Variants in BCL2L14 observed in about 807,000 individuals in gnomAD.
The protein encoded by BCL2L14 is BCL2 like 14.
In BCL2L14, 27 loss-of-function variants were observed where a neutral mutation model predicts 35.3. That is an observed-to-expected ratio of 0.76 (90% CI 0.56 to 1.05). BCL2L14 has a LOEUF of 1.05. BCL2L14 is among the 50% of genes least tolerant of loss of function. The pLI is 0.00. For synonymous variants in BCL2L14, 139 were observed against 145.9 expected, an observed-to-expected ratio of 0.95 and a Z score of 0.34; for missense variants, 377 against 382.6, an observed-to-expected ratio of 0.99 and a Z score of 0.12.
Position 12,079,745 on chromosome 12 carries a change from A to G in BCL2L14, c.433+7A>G. On this transcript the variant is annotated splice_region_variant and intron_variant, in intron 2 of 5. Coordinates refer to ENST00000308721, the MANE Select transcript of BCL2L14 (RefSeq NM_138723.2). ...CAGTGCTTGGAGCATGAAGGTAGGC[A>G]TCTGGGATTTCTTTCTCTCCCGCTT... The G allele has an allele frequency of 6.2e-7, 1 of 1,606,598 alleles. No homozygotes were observed. The highest frequency in any genetic ancestry group is 8.5e-7 in the Non-Finnish European group (1 of 1,175,932).
intron 1 of BCL2L14, 70 bp from the exon 2 acceptor site, chr12:12,079,228 CT>C: frequency 1.5e-6 from 2 of 1,304,354 alleles, no homozygotes; most frequent in Middle Eastern, 1.9e-4. Context: ...GTTTTCACCC[CT>C]GTCTCTCCTA....
rs564352918 is a variant in BCL2L14 at position 12,071,034 on chromosome 12, T to C, written c.-111T>C. The C allele has an allele frequency of 6.6e-6, 1 of 152,294 alleles. No homozygotes were observed. The highest frequency in any genetic ancestry group is 2.4e-5 in the African/African-American group (1 of 41,562). The allele number at this position is 152,294 out of a possible 1,614,324, so 9.4% of individuals were successfully genotyped here. ...CAAACGACAAGCCAAGAAGACCTGT[T>C]GAAAGTTTCCTCTTAAGTTTCGTGG... On this transcript the variant is annotated 5_prime_UTR_variant, in exon 1 of 6. Transcript: ENST00000308721.
chr12:12,088,702 C>T (rs1000042838), intron 3 of BCL2L14, among the ~76,000 whole-genome samples: 1 of 152,106 alleles, frequency 6.6e-6, no homozygotes, highest in Non-Finnish European at 1.5e-5. Context: ...AACAGTGAGG[C>T]CAAGGTGGAT....
chr12:12,098,083 A>G (rs1394201317), intron 5 of BCL2L14, among the ~76,000 whole-genome samples: 2 of 152,164 alleles, frequency 1.3e-5, no homozygotes, highest in Non-Finnish European at 2.9e-5. Flanking sequence ...GATAAAGAAT[A>G]TTTATGAGCT....
chr12:12,053,454 C>G (rs2058774), intron 2 of BCL2L14, among the ~76,000 whole-genome samples: 149,201 of 151,118 alleles, frequency 0.99, 73,689 homozygotes, highest in East Asian at 1. Flanking sequence ...AAGTTTCACT[C>G]TTGTTGCCCA....
rs148989110 is a variant in BCL2L14, at chr12:12,056,784, C to T, written c.-272+4937C>T. Among the ~76,000 whole-genome samples, 839 of 152,172 alleles carry T rather than the reference C, an allele frequency of 5.5e-3. 6 individuals are homozygous for T. The highest frequency in any genetic ancestry group is 7.8e-3 in the Non-Finnish European group (532 of 68,002). On this transcript the variant is annotated intron_variant, in intron 2 of 3. Coordinates refer to the BCL2L14 transcript ENST00000461264. The stretch of plus-strand genomic sequence containing the variant: ...GAAGGCCTCGGAGGTTGCAGTGAGC[C>T]GAGATTGCGCCACTGCACTCCAGCC...
At chr12:12,076,944 T>C (rs1264874089) in intron 1 of BCL2L14, among the ~76,000 whole-genome samples, 1 of 152,148 alleles carries the variant, frequency 6.6e-6, no homozygotes, top group Non-Finnish European at 1.5e-5. Context: ...AAAGGTGGCG[T>C]GACTTGCCCA....
chr12:12,070,820 C>T (rs754035498), upstream of BCL2L14: 3 of 152,082 alleles, frequency 2.0e-5, no homozygotes, highest in African/African-American at 7.2e-5. Flanking sequence ...AGGAAGAGTG[C>T]TAGGTAATGG....
rs16907701 is a variant in BCL2L14, at chr12:12,074,295, G to A, written c.-8+3158G>A. On this transcript the variant is annotated intron_variant, in intron 1 of 5. Coordinates refer to ENST00000308721, the MANE Select transcript of BCL2L14 (RefSeq NM_138723.2). ...TATCAAGCACTATTCTAGAGAGCCC[G>A]GATAGCTCAGTCAGTAGAGCATCAA... 6.3e-3 allele frequency among the ~76,000 whole-genome samples: 954 copies of A among 152,190 alleles called. 8 individuals are homozygous for A. Among genetic ancestry groups the A allele is most frequent in the African/African-American group, 0.022 (904 of 41,502 alleles).
chr12:12,077,329 C>T (rs1401130555), intron 1 of BCL2L14, among the ~76,000 whole-genome samples: 1 of 151,988 alleles, frequency 6.6e-6, no homozygotes, highest in Non-Finnish European at 1.5e-5. Context: ...ATCACTTGAG[C>T]CCAGGAGTTT....
chr12:12,074,931 C>T (rs1409786165), intron 1 of BCL2L14, among the ~76,000 whole-genome samples: 4 of 151,732 alleles, frequency 2.6e-5, no homozygotes, highest in Non-Finnish European at 5.9e-5. Context: ...GTGTGAGCCA[C>T]GGTGCCAGCC....
chr12:12,053,476 A>AAT (rs1304747084), intron 2 of BCL2L14, among the ~76,000 whole-genome samples: 1 of 151,342 alleles, frequency 6.6e-6, no homozygotes, highest in African/African-American at 2.4e-5. Flanking sequence ...GCTGGAGTGC[A>AAT]ATGGCGCAAT....
Position 12,099,648 on chromosome 12 carries a change from A to G in BCL2L14, c.*660A>G, listed in dbSNP as rs1442837468. The G allele has an allele frequency of 6.6e-6, 1 of 152,214 alleles. No individual in the cohort carries two copies. Among genetic ancestry groups the G allele is most frequent in the Admixed American group, 6.5e-5 (1 of 15,290 alleles). 9.4% of individuals were successfully genotyped at this position (152,214 alleles called of 1,614,324 possible). ...CTTCCTCATTCTTTGTGGTAGTACA[A>G]TGATTGGTAGCAGGTAAAATAAATA... On this transcript the variant is annotated 3_prime_UTR_variant, in exon 6 of 6. Transcript: ENST00000308721.
intron 2 of BCL2L14, among the ~76,000 whole-genome samples, chr12:12,080,619 C>CA (rs36081910): frequency 0.18 from 17,157 of 95,252 alleles, 1,461 homozygotes; most frequent in African/African-American, 0.3. Context: ...GACTTTGTCT[C>CA]AAAAAAAAAA....
chr12:12,059,154 A>G (rs565039797), intron 2 of BCL2L14, among the ~76,000 whole-genome samples: 118 of 152,192 alleles, frequency 7.8e-4, no homozygotes, highest in African/African-American at 1.6e-3. Context: ...TTGCAAGGAC[A>G]CCTCTCTGAT....
chr12:12,073,578 G>A (rs1565457705), intron 1 of BCL2L14, among the ~76,000 whole-genome samples: 2 of 151,382 alleles, frequency 1.3e-5, no homozygotes, highest in South Asian at 2.1e-4. Flanking sequence ...ACATGCACAC[G>A]CACACACAAA....
intron 4 of BCL2L14, chr12:12,094,404 G>A: frequency 9.6e-7 from 1 of 1,038,394 alleles, no homozygotes; most frequent in Non-Finnish European, 1.5e-6. Context: ...TAAGTGCTCA[G>A]GAAATATTTG....
chr12:12,091,718 C>A lies in BCL2L14; in HGVS notation c.678+869C>A, dbSNP rs531958271. On this transcript the variant is annotated intron_variant, in intron 4 of 5. Transcript: ENST00000308721. Reference sequence around the variant, plus strand: ...GGAGATGGGACAGAATGAGAAACAGCGAGAAAACCAGGGATATTAGGTTAA... The same window carrying A: ...GGAGATGGGACAGAATGAGAAACAGAGAGAAAACCAGGGATATTAGGTTAA... Among the ~76,000 whole-genome samples, 27 of 152,112 alleles carry A rather than the reference C, an allele frequency of 1.8e-4. 1 individual carries two copies. In the East Asian group the frequency reaches 3.5e-3, roughly 20 times the overall value.
intron 2 of BCL2L14, among the ~76,000 whole-genome samples, chr12:12,062,647 A>G (rs368670381): frequency 5.2e-4 from 79 of 151,002 alleles, no homozygotes; most frequent in Non-Finnish European, 7.4e-4. Context: ...TAACTAAAAT[A>G]CCTCTTAGTC....
Sources: allele counts gnomAD v4.1 joint callset (sites outside exome capture counted in the v4.1 genomes callset), GRCh38; gene constraint gnomAD v4.1.1; transcripts MANE v1.5; gene names NCBI Gene and HGNC (gene_info 2026-07-23, HGNC 2026-07-21).